ADAM23: variants seen among roughly 807,000 people sequenced by gnomAD.
ADAM23 encodes the protein disintegrin and metalloproteinase domain-containing protein 23.
In ADAM23, 33 loss-of-function variants were observed where a neutral mutation model predicts 120.1. The observed-to-expected ratio is 0.27, with a 90% confidence interval of 0.21 to 0.37. ADAM23 has a LOEUF of 0.37. Ranked by LOEUF, ADAM23 falls within the 10% of genes least tolerant of loss-of-function variation. The pLI is 1.00. For missense variants in ADAM23, 862 were observed against 1,058.2 expected (o/e 0.81, Z 2.57); for synonymous variants, 367 against 375.2 (o/e 0.98, Z 0.25).
chr2:206,557,510 G>C lies in ADAM23; in HGVS notation c.1005+12G>C. The C allele has an allele frequency of 6.2e-7, 1 of 1,601,730 alleles. No individual in the cohort carries two copies. Among genetic ancestry groups the C allele is most frequent in the Middle Eastern group, 1.7e-4 (1 of 6,040 alleles). On this transcript the variant is annotated intron_variant, in intron 10 of 25. Coordinates refer to ENST00000264377, the MANE Select transcript of ADAM23 (RefSeq NM_003812.4). ...ACCTTGTGGATTCTGTAAGTATCCT[G>C]GTTTTCTTGAATTTGTGTGCCAAGA...
intron 4 of ADAM23, among the ~76,000 whole-genome samples, chr2:206,538,713 T>C (rs1238736070): frequency 6.6e-6 from 1 of 152,196 alleles, no homozygotes; most frequent in African/African-American, 2.4e-5. Context: ...AAACTATTGG[T>C]TCTATTTCCA....
At chr2:206,616,747 A>G (rs1405725427) in intron 25 of ADAM23, among the ~76,000 whole-genome samples, 1 of 152,072 alleles carries the variant, frequency 6.6e-6, no homozygotes, top group Non-Finnish European at 1.5e-5. Context: ...CCCGCCCAGT[A>G]TGCAGACTAA....
chr2:206,466,488 C>G (rs1022086849), intron 2 of ADAM23, among the ~76,000 whole-genome samples: 1 of 152,168 alleles, frequency 6.6e-6, no homozygotes, highest in African/African-American at 2.4e-5. Flanking sequence ...CTCATTTAAA[C>G]TCTAGCTCTA....
chr2:206,467,009 A>G (rs1358665110), intron 2 of ADAM23, among the ~76,000 whole-genome samples: 2 of 146,874 alleles, frequency 1.4e-5, no homozygotes, highest in Non-Finnish European at 3.0e-5. Context: ...TTGTAACAAC[A>G]ACTCCAGTGG....
At chr2:206,551,959 A>G (rs1433689766) in intron 9 of ADAM23, among the ~76,000 whole-genome samples, 1 of 152,214 alleles carries the variant, frequency 6.6e-6, no homozygotes, top group African/African-American at 2.4e-5. Flanking sequence ...GTAGGCAGTC[A>G]TTTTAGACAG....
intron 24 of ADAM23, among the ~76,000 whole-genome samples, chr2:206,602,506 A>G (rs1471541728): frequency 1.3e-5 from 2 of 152,196 alleles, no homozygotes; most frequent in African/African-American, 4.8e-5. Context: ...GTAGTGGAAT[A>G]ATAAATCCCT....
In ADAM23 at chr2:206,563,829, A is replaced by G. The variant is rs918747276; in HGVS notation, c.1346-1191A>G. 5.9e-4 allele frequency among the ~76,000 whole-genome samples: 88 copies of G among 150,138 alleles called. 1 individual carries two copies. Among genetic ancestry groups the G allele is most frequent in the Non-Finnish European group, 1.0e-4 (7 of 67,792 alleles). Reference sequence around the variant, plus strand: ...ACTGCAACCTCCACCTCCTGGGTTCATGCCATTCTCCTGCCTCAGCCTCCC... The same window carrying G: ...ACTGCAACCTCCACCTCCTGGGTTCGTGCCATTCTCCTGCCTCAGCCTCCC... On this transcript the variant is annotated intron_variant, in intron 13 of 25. Coordinates refer to ENST00000264377, the MANE Select transcript of ADAM23 (RefSeq NM_003812.4).
intron 24 of ADAM23, 168 bp from the exon 25 acceptor site, chr2:206,609,742 C>T (rs909560618): frequency 5.3e-6 from 3 of 568,630 alleles, no homozygotes. Context: ...AAGCAACGCT[C>T]ACCGTAGCAT....
Position 206,594,749 on chromosome 2 carries a change from A to T in ADAM23, c.2091A>T (p.Val697=), listed in dbSNP as rs868863754. 6.2e-7 allele frequency: 1 copy of T among 1,614,182 alleles called. No individual in the cohort carries two copies. ...TTTCTTGTTTTAGTGGTGCCCATGTAGTTTTAGATGATGATACGGATGTGG... is the reference window on the plus strand; with the variant it reads ...TTTCTTGTTTTAGTGGTGCCCATGTTGTTTTAGATGATGATACGGATGTGG... ...GRVIDCSGAH[V]VLDDDTDVGY... The change falls in exon 23 of 26, where the codon GTA becomes GTT. Residue 697 remains valine (V), a synonymous_variant. Transcript: ENST00000264377.
chr2:206,517,229 G>T (rs1696753613), intron 3 of ADAM23, among the ~76,000 whole-genome samples: 1 of 152,050 alleles, frequency 6.6e-6, no homozygotes, highest in African/African-American at 2.4e-5. Flanking sequence ...TGACTGCCTG[G>T]GATTGACTTT....
intron 2 of ADAM23, among the ~76,000 whole-genome samples, chr2:206,460,120 T>C (rs570023450): frequency 1.2e-3 from 175 of 144,116 alleles, no homozygotes; most frequent in African/African-American, 3.0e-3. Context: ...TTTTTTTTTT[T>C]CCCACCTCCA....
At chr2:206,533,298 T>G (rs1697106302) in intron 4 of ADAM23, among the ~76,000 whole-genome samples, 1 of 152,124 alleles carries the variant, frequency 6.6e-6, no homozygotes, top group African/African-American at 2.4e-5. Flanking sequence ...ACCTTCTGGT[T>G]TCAAGCGATT....
At chr2:206,614,021 G>C (rs573531331) in intron 25 of ADAM23, among the ~76,000 whole-genome samples, 1 of 152,142 alleles carries the variant, frequency 6.6e-6, no homozygotes, top group East Asian at 1.9e-4. Flanking sequence ...CAGTGATACC[G>C]TAACACCTCA....
At chr2:206,539,431 A>C (rs1173318448) in intron 4 of ADAM23, among the ~76,000 whole-genome samples, 3 of 152,052 alleles carry the variant, frequency 2.0e-5, no homozygotes, top group Non-Finnish European at 2.9e-5. Context: ...AGCCCTCTTT[A>C]ATTGTCTGAG....
At chr2:206,472,791 G>A (rs1277282762) in intron 2 of ADAM23, among the ~76,000 whole-genome samples, 4 of 152,182 alleles carry the variant, frequency 2.6e-5, no homozygotes, top group African/African-American at 7.2e-5. Context: ...CCATCAGATC[G>A]CATAATCGAA....
At chr2:206,546,492 G>A (rs1408799785) in intron 6 of ADAM23, among the ~76,000 whole-genome samples, 1 of 152,030 alleles carries the variant, frequency 6.6e-6, no homozygotes, top group Admixed American at 6.6e-5. Context: ...CTATTAAGAA[G>A]TTTCTTTTTT....
At chr2:206,500,554 A>G (rs1051704078) in intron 3 of ADAM23, among the ~76,000 whole-genome samples, 2 of 152,168 alleles carry the variant, frequency 1.3e-5, no homozygotes, top group African/African-American at 2.4e-5. Flanking sequence ...TAATTTGACT[A>G]CTAGCTCTAT....
intron 5 of ADAM23, among the ~76,000 whole-genome samples, chr2:206,542,452 A>T (rs997494353): frequency 6.6e-6 from 1 of 152,226 alleles, no homozygotes; most frequent in African/African-American, 2.4e-5. Context: ...AGGACATATC[A>T]GTTAGACCTA....
intron 6 of ADAM23, among the ~76,000 whole-genome samples, chr2:206,546,588 C>T (rs1040326690): frequency 3.9e-4 from 60 of 152,004 alleles, no homozygotes; most frequent in African/African-American, 1.4e-3. Context: ...TTATCCTGTC[C>T]CCCAAAGATA....
Sources: allele counts gnomAD v4.1 joint callset (sites outside exome capture counted in the v4.1 genomes callset), GRCh38; gene constraint gnomAD v4.1.1; transcripts MANE v1.5; gene names NCBI Gene and HGNC (gene_info 2026-07-23, HGNC 2026-07-21).